The following TOPBP1 variants were observed in gnomAD, a reference collection of about 807,000 sequenced individuals.
The protein encoded by TOPBP1 is DNA topoisomerase 2-binding protein 1.
Under a neutral mutation model 167.7 loss-of-function variants are expected in TOPBP1, and 28 were observed. That is an observed-to-expected ratio of 0.17 (90% CI 0.12 to 0.23). The LOEUF is 0.23. Among genes scored for constraint, TOPBP1 ranks in the 10% least tolerant of loss-of-function variants. The pLI, the probability that TOPBP1 is intolerant of heterozygous loss-of-function variation, is 1.00. For missense variants in TOPBP1, 1,554 were observed against 1,809.6 expected (o/e 0.86, Z 2.56); for synonymous variants, 598 against 611.4 (o/e 0.98, Z 0.32).
At chr3:133,622,506 GT>G (rs1024427510) in intron 19 of TOPBP1, among the ~76,000 whole-genome samples, 1 of 148,882 alleles carries the variant, frequency 6.7e-6, no homozygotes. Flanking sequence ...GTGTTTGTTT[GT>G]TTTTTTTTAA....
At chr3:133,633,702 G>A (rs761469694) in intron 14 of TOPBP1, among the ~76,000 whole-genome samples, 5 of 152,208 alleles carry the variant, frequency 3.3e-5, no homozygotes, top group Admixed American at 2.6e-4. Context: ...AGAGGTGGAA[G>A]TATTGCTTGA....
At position 133,658,891 on chromosome 3, in the gene TOPBP1, C is replaced by G. The variant is rs560041023; in HGVS notation, c.219+125G>C. ...CCTTTCAATCCTGGTCTTGCCAAACCAAAAGAATTCCAATGTACTCATAAG... is the reference window on the plus strand; with the variant it reads ...CCTTTCAATCCTGGTCTTGCCAAACGAAAAGAATTCCAATGTACTCATAAG... On this transcript the variant is annotated intron_variant, in intron 3 of 27. Coordinates refer to ENST00000260810, the MANE Select transcript of TOPBP1 (RefSeq NM_007027.4). 3.7e-5 allele frequency: 40 copies of G among 1,080,020 alleles called. No homozygotes were observed. In the African/African-American group the frequency reaches 6.4e-4, roughly 17 times the overall value. The allele number at this position is 1,080,020 out of a possible 1,614,324, so 66.9% of individuals were successfully genotyped here.
chr3:133,613,513 T>C (rs1021346463), intron 23 of TOPBP1, among the ~76,000 whole-genome samples: 1 of 152,168 alleles, frequency 6.6e-6, no homozygotes, highest in Non-Finnish European at 1.5e-5. Context: ...CTGCAGACTT[T>C]AAAACAGGAG....
chr3:133,626,264 T>C (rs569094566), intron 16 of TOPBP1, among the ~76,000 whole-genome samples: 1 of 152,172 alleles, frequency 6.6e-6, no homozygotes, highest in Non-Finnish European at 1.5e-5. Context: ...TTGGTCTAGA[T>C]CAGCGGTTTC....
chr3:133,643,427 A>C (rs1935965572), intron 11 of TOPBP1, 55 bp from the exon 12 acceptor site: 61 of 1,467,604 alleles, frequency 4.2e-5, no homozygotes, highest in Non-Finnish European at 5.5e-5. Flanking sequence ...ACCAGTGGTT[A>C]ACACTGGTTC....
chr3:133,634,888 C>T (rs983331884), intron 14 of TOPBP1, among the ~76,000 whole-genome samples: 4 of 151,864 alleles, frequency 2.6e-5, no homozygotes, highest in South Asian at 2.1e-4. Flanking sequence ...TTCATATATT[C>T]GATTGTAGAG....
intron 3 of TOPBP1, 65 bp from the exon 4 acceptor site, chr3:133,658,006 A>G (rs9810823): frequency 0.08 from 104,461 of 1,306,820 alleles, 4,340 homozygotes; most frequent in Middle Eastern, 0.11. Flanking sequence ...ACAAAATTAC[A>G]TTTTGTAACA....
intron 14 of TOPBP1, among the ~76,000 whole-genome samples, chr3:133,633,221 T>C (rs886927157): frequency 1.3e-5 from 2 of 152,208 alleles, no homozygotes; most frequent in African/African-American, 4.8e-5. Flanking sequence ...CATTTCTTTA[T>C]GAACCCACAC....
chr3:133,648,299 C>G (rs983026909), intron 10 of TOPBP1, among the ~76,000 whole-genome samples: 5 of 151,994 alleles, frequency 3.3e-5, no homozygotes, highest in Non-Finnish European at 7.4e-5. Flanking sequence ...AAAATGATTC[C>G]AAAAGAGAGG....
At chr3:133,653,317 T>C in intron 7 of TOPBP1, 28 bp downstream of exon 7, 1 of 1,532,542 alleles carries the variant, frequency 6.5e-7, no homozygotes, top group South Asian at 1.3e-5. Context: ...GTCTTCAGAA[T>C]AATTATTTTA....
intron 10 of TOPBP1, 109 bp from the exon 11 acceptor site, chr3:133,644,472 C>A: frequency 2.8e-6 from 3 of 1,086,632 alleles, no homozygotes; most frequent in South Asian, 1.8e-5. Flanking sequence ...ACCATACTTA[C>A]AAAACTAAAG....
chr3:133,634,044 C>T (rs1037385350), intron 14 of TOPBP1, among the ~76,000 whole-genome samples: 1 of 152,216 alleles, frequency 6.6e-6, no homozygotes, highest in Non-Finnish European at 1.5e-5. Flanking sequence ...CCAATCCCAA[C>T]CTGTTCTGTT....
In TOPBP1 at chr3:133,628,758, G is replaced by A. The variant is rs375445597; in HGVS notation, c.2521-25C>T. ...CCTATACATATGAAGGAGAGAGAGA[G>A]ATGGAGAAAAGAAGAGAGAGAGAGA... is the stretch of plus-strand genomic sequence containing the variant. On this transcript the variant is annotated intron_variant, in intron 14 of 27. Transcript: ENST00000260810. 3.9e-6 allele frequency: 6 copies of A among 1,545,724 alleles called. No individual in the cohort carries two copies. In the African/African-American group the frequency reaches 8.2e-5, roughly 21 times the overall value.
chr3:133,649,110 CATG>C (rs931142066), intron 10 of TOPBP1, among the ~76,000 whole-genome samples: 2 of 152,052 alleles, frequency 1.3e-5, no homozygotes, highest in African/African-American at 4.8e-5. Context: ...ATAAAAGGCT[CATG>C]ATATTACAAA....
intron 23 of TOPBP1, 32 bp from the exon 24 acceptor site, chr3:133,612,584 T>C (rs546538033): frequency 1.3e-6 from 2 of 1,557,498 alleles, no homozygotes; most frequent in African/African-American, 1.4e-5. Flanking sequence ...TGTACTTTAT[T>C]GATTCCCAAC....
intron 25 of TOPBP1, among the ~76,000 whole-genome samples, chr3:133,609,437 G>T (rs1934601359): frequency 6.6e-6 from 1 of 152,192 alleles, no homozygotes; most frequent in Admixed American, 6.5e-5. Context: ...AGATATCAGA[G>T]AACTTAGAAT....
chr3:133,633,548 T>C (rs1935563787), intron 14 of TOPBP1, among the ~76,000 whole-genome samples: 1 of 152,188 alleles, frequency 6.6e-6, no homozygotes. Flanking sequence ...CCCAACACTT[T>C]GGGAGGCCAA....
intron 27 of TOPBP1, among the ~76,000 whole-genome samples, chr3:133,603,237 C>T (rs1934372424): frequency 6.6e-6 from 1 of 151,860 alleles, no homozygotes; most frequent in Non-Finnish European, 1.5e-5. Context: ...ACTTCTCCCT[C>T]CAAAAGGTAA....
intron 8 of TOPBP1, among the ~76,000 whole-genome samples, chr3:133,652,261 A>G (rs2107828794): frequency 6.6e-6 from 1 of 152,352 alleles, no homozygotes. Flanking sequence ...CTTTTAAAAG[A>G]TAACAGAGGA....
Sources: gnomAD v4.1 joint callset for allele counts (sites outside exome capture counted in the v4.1 genomes callset) on GRCh38, gnomAD v4.1.1 for gene constraint, MANE v1.5 for transcripts, NCBI Gene and HGNC (gene_info 2026-07-23, HGNC 2026-07-21) for gene names.